Variants in PKHD1L1 observed in about 807,000 individuals in gnomAD.
PKHD1L1 encodes fibrocystin-L.
A neutral mutation model predicts 462.9 loss-of-function variants in PKHD1L1; 434 were observed. The observed-to-expected ratio is 0.94, with a 90% CI of 0.87 to 1.02. The LOEUF (loss-of-function observed/expected upper bound fraction) is 1.02. PKHD1L1 is among the 50% of genes least tolerant of loss of function. The pLI is 0.00. For synonymous variants in PKHD1L1, 1,781 were observed against 1,750.0 expected, an observed-to-expected ratio of 1.02 and a Z score of -0.44; for missense variants, 5,202 against 5,096.1, an observed-to-expected ratio of 1.02 and a Z score of -0.63.
At chr8:109,441,148 C>A in intron 33 of PKHD1L1, 127 bp from the exon 34 acceptor site, 1 of 682,274 alleles carries the variant, frequency 1.5e-6, no homozygotes. Context: ...GAAGATCCTG[C>A]TATATAAGGC....
chr8:109,403,526 A>G (rs1235026830), intron 14 of PKHD1L1, among the ~76,000 whole-genome samples: 1 of 152,184 alleles, frequency 6.6e-6, no homozygotes, highest in East Asian at 1.9e-4. Flanking sequence ...AAAGTGCCCA[A>G]TTAATAGTTT....
At chr8:109,394,732 G>C (rs1206586722) in intron 10 of PKHD1L1, among the ~76,000 whole-genome samples, 1 of 152,164 alleles carries the variant, frequency 6.6e-6, no homozygotes, top group African/African-American at 2.4e-5. Flanking sequence ...AACACAGACA[G>C]CAGGGAAATT....
At chr8:109,377,234 A>C (rs1247451083) in intron 2 of PKHD1L1, among the ~76,000 whole-genome samples, 1 of 148,524 alleles carries the variant, frequency 6.7e-6, no homozygotes, top group East Asian at 1.9e-4. Flanking sequence ...AGTAACAAAT[A>C]CTTATCTTTT....
chr8:109,472,369 G>T (rs1050819415), intron 50 of PKHD1L1, among the ~76,000 whole-genome samples: 1 of 152,054 alleles, frequency 6.6e-6, no homozygotes, highest in Non-Finnish European at 1.5e-5. Flanking sequence ...TGGTGGTGAG[G>T]ATTTTAGAAA....
chr8:109,374,196 G>A lies in PKHD1L1; in HGVS notation c.164-7174G>A, dbSNP rs544085125. 6.6e-5 allele frequency among the ~76,000 whole-genome samples: 10 copies of A among 152,134 alleles called. No homozygotes were observed. The South Asian group carries it at 8.3e-4, about 13-fold the overall frequency. ...GAATCTGGGTGCTCCTGTACTGGGC[G>A]CATATATATTTAGGATAGTTAGCTC... On this transcript the variant is annotated intron_variant, in intron 2 of 77. Transcript: ENST00000378402.
chr8:109,394,150 G>A (rs1442152204), intron 9 of PKHD1L1, among the ~76,000 whole-genome samples: 4 of 126,434 alleles, frequency 3.2e-5, no homozygotes, highest in Admixed American at 9.2e-5. Context: ...CTCCAGCCTG[G>A]CAACAGAGCG....
Position 109,396,033 on chromosome 8 carries a change from C to G in PKHD1L1, c.818C>G (p.Thr273Ser). 1 of 1,594,910 alleles carries G rather than the reference C, an allele frequency of 6.3e-7. No individual in the cohort carries two copies. Among genetic ancestry groups the G allele is most frequent in the Non-Finnish European group, 8.5e-7 (1 of 1,169,858 alleles). ...IAMFQTYAEV[T>S]MIFPSQGSIR... ...TAATGTGGTTTTCCCCCAGAGGTCA[C>G]CATGATTTTCCCTTCACAAGGAAGC... The change falls in exon 11 of 78, where the codon ACC (threonine) becomes AGC (serine). Residue 273 changes from threonine to serine, a missense_variant. This residue lies in a region of PKHD1L1 where 4,497 missense variants were observed against 4,336.8 expected (regional missense o/e 1.04). Coordinates refer to ENST00000378402, the MANE Select transcript of PKHD1L1 (RefSeq NM_177531.6).
intron 2 of PKHD1L1, among the ~76,000 whole-genome samples, chr8:109,374,667 C>T (rs887686885): frequency 6.6e-6 from 1 of 152,122 alleles, no homozygotes; most frequent in Non-Finnish European, 1.5e-5. Context: ...TTTAGTGCTT[C>T]CTTCAGGAGC....
chr8:109,497,184 T>C lies in PKHD1L1; in HGVS notation c.10511T>C (p.Leu3504Pro). 1 of 1,613,848 alleles carries C rather than the reference T, an allele frequency of 6.2e-7. No individual in the cohort carries two copies. Residue 3504 changes from leucine (L) to proline (P), a missense_variant, in exon 65 of 78, where the codon CTG becomes CCG. Coordinates refer to ENST00000378402, the MANE Select transcript of PKHD1L1 (RefSeq NM_177531.6). ...TESVHIYNVT[L>P]VDNGMAIFPM... Reference sequence around the variant, plus strand: ...AGTGTGCACATTTATAATGTGACCCTGGTTGACAATGGAATGGCCATTTTT... The same window carrying C: ...AGTGTGCACATTTATAATGTGACCCCGGTTGACAATGGAATGGCCATTTTT...
At chr8:109,438,200 T>C (rs899497199) in intron 30 of PKHD1L1, 124 bp from the exon 31 acceptor site, 1 of 714,904 alleles carries the variant, frequency 1.4e-6, no homozygotes, top group Non-Finnish European at 2.1e-6. Context: ...GAAAACTGAC[T>C]CTGATCTTGA....
Position 109,483,102 on chromosome 8 carries a change from G to A in PKHD1L1, c.9573G>A (p.Trp3191Ter). ...KVLSLMDAVD[W>*]QEGEEIVITT... ...TGTCTCTGATGGATGCTGTGGATTG[G>A]CAGGTAGACAAAATAATTATGTAAT... Residue 3191 changes from tryptophan to a stop codon, truncating the protein, a stop_gained, in exon 57 of 78, where the codon TGG becomes TGA. Coordinates refer to ENST00000378402, the MANE Select transcript of PKHD1L1 (RefSeq NM_177531.6). LOFTEE classifies it high-confidence loss of function. The A allele has an allele frequency of 6.4e-7, 1 of 1,567,518 alleles. No homozygotes were observed. Among genetic ancestry groups the A allele is most frequent in the Non-Finnish European group, 8.6e-7 (1 of 1,156,746 alleles).
At chr8:109,437,881 T>C (rs1296889848) in intron 30 of PKHD1L1, among the ~76,000 whole-genome samples, 1 of 151,980 alleles carries the variant, frequency 6.6e-6, no homozygotes, top group African/African-American at 2.4e-5. Flanking sequence ...TCTTAGGGGG[T>C]CCAAGTGCTT....
At chr8:109,408,299 C>T (rs1813667850) in intron 18 of PKHD1L1, 93 bp downstream of exon 18, 1 of 1,195,954 alleles carries the variant, frequency 8.4e-7, no homozygotes, top group Non-Finnish European at 1.1e-6. Flanking sequence ...AGAGATGTTA[C>T]TTCAAAAAAA....
chr8:109,402,346 C>T (rs745861634), intron 14 of PKHD1L1, among the ~76,000 whole-genome samples: 1 of 152,156 alleles, frequency 6.6e-6, no homozygotes, highest in Non-Finnish European at 1.5e-5. Context: ...GTTGGCTGAG[C>T]GGTTCTTTTA....
At chr8:109,513,224 C>T (rs569956043) in intron 71 of PKHD1L1, among the ~76,000 whole-genome samples, 5 of 151,998 alleles carry the variant, frequency 3.3e-5, no homozygotes, top group African/African-American at 1.2e-4. Flanking sequence ...CCAGAACTTC[C>T]AACACTATGT....
chr8:109,505,031 G>T (rs1038203378), intron 68 of PKHD1L1, among the ~76,000 whole-genome samples: 4 of 151,994 alleles, frequency 2.6e-5, no homozygotes, highest in African/African-American at 7.3e-5. Flanking sequence ...AAGCCACTAT[G>T]CCTGGCTTAA....
At position 109,526,531 on chromosome 8, in the gene PKHD1L1, C is replaced by T. The variant is rs562909161; in HGVS notation, c.12485-253C>T. Among the ~76,000 whole-genome samples, 20 of 152,306 alleles carry T rather than the reference C, an allele frequency of 1.3e-4. No homozygotes were observed. The South Asian group carries it at 3.3e-3, about 25-fold the overall frequency. On this transcript the variant is annotated intron_variant, in intron 76 of 77. Coordinates refer to ENST00000378402, the MANE Select transcript of PKHD1L1 (RefSeq NM_177531.6). ...GGCACTAGGAAGGGGCTCTAAGAAG[C>T]AGGTACTGCTGCTGCAGAAAGAAAA...
At chr8:109,382,626 G>A in intron 4 of PKHD1L1, 55 bp downstream of exon 4, 1 of 1,420,188 alleles carries the variant, frequency 7.0e-7, no homozygotes, top group African/African-American at 1.7e-5. Flanking sequence ...TTTCTTTCCT[G>A]CAGAACTGAA....
chr8:109,461,937 G>T, intron 48 of PKHD1L1, 29 bp downstream of exon 48: 1 of 1,576,046 alleles, frequency 6.3e-7, no homozygotes. Context: ...AAATCACAGT[G>T]GTTTGCTCAA....
Sources: gnomAD v4.1 joint callset for allele counts (sites outside exome capture counted in the v4.1 genomes callset) on GRCh38, gnomAD v4.1.1 for gene constraint, gnomAD v4.1.1 regional missense constraint, MANE v1.5 for transcripts, NCBI Gene and HGNC (gene_info 2026-07-23, HGNC 2026-07-21) for gene names.